Variants in DNAH3 observed in about 807,000 individuals in gnomAD.
The protein encoded by DNAH3 is dynein axonemal heavy chain 3.
DNAH3 carries 332 observed loss-of-function variants against 432.5 expected under a neutral mutation model. The observed-to-expected ratio is 0.77, with a 90% confidence interval of 0.70 to 0.84. The LOEUF (loss-of-function observed/expected upper bound fraction) is 0.84, where lower values mean the gene tolerates loss of function less well. DNAH3 is among the 40% of genes least tolerant of loss of function. The pLI, the probability that DNAH3 is intolerant of heterozygous loss-of-function variation, is 0.00. For missense variants in DNAH3, 4,861 were observed against 5,114.0 expected (o/e 0.95, Z 1.51); for synonymous variants, 1,956 against 1,900.2 (o/e 1.03, Z -0.76).
chr16:20,980,244 T>TAATA lies in DNAH3; in HGVS notation c.7860-702_7860-699dup, dbSNP rs1491066037. ...ATATTATTTATTTATATTATATATA[T>TAATA]AATATACATCATATATTATATTATA... On this transcript the variant is annotated intron_variant, in intron 49 of 61. Transcript: ENST00000261383. Among the ~76,000 whole-genome samples the TAATA allele has an allele frequency of 1.2e-4, 16 of 134,244 alleles. No individual in the cohort carries two copies. In the South Asian group the frequency reaches 3.8e-3, roughly 32 times the overall value. 88.1% of individuals were successfully genotyped at this position (134,244 alleles called of 152,430 possible).
At chr16:21,025,046 T>A (rs2088471088) in intron 38 of DNAH3, among the ~76,000 whole-genome samples, 2 of 152,094 alleles carry the variant, frequency 1.3e-5, no homozygotes, top group South Asian at 2.1e-4. Flanking sequence ...TTTCTCAGCC[T>A]CCCGAGTAGC....
intron 47 of DNAH3, among the ~76,000 whole-genome samples, chr16:20,986,198 T>C (rs957650665): frequency 3.3e-5 from 5 of 151,666 alleles, no homozygotes; most frequent in Non-Finnish European, 7.4e-5. Context: ...ATTTCATGCT[T>C]GTAAAGACTA....
chr16:21,151,947 G>A (rs1464288095), intron 1 of DNAH3, among the ~76,000 whole-genome samples: 3 of 151,984 alleles, frequency 2.0e-5, no homozygotes, highest in Non-Finnish European at 4.4e-5. Flanking sequence ...AAAACTGAGA[G>A]ATATGGGCCA....
rs534881381 is a variant in DNAH3 at position 21,147,135 on chromosome 16, C to T, written c.118-1047G>A. Among the ~76,000 whole-genome samples, 10 of 152,188 alleles carry T rather than the reference C, an allele frequency of 6.6e-5. 1 individual carries two copies. The South Asian group carries it at 1.7e-3, about 25-fold the overall frequency. On this transcript the variant is annotated intron_variant, in intron 1 of 61. Transcript: ENST00000261383. Reference sequence around the variant, plus strand: ...TGAGCAAATTTGAATATTTTTCCCCCGTGGAAGAGCCCAAATTCTGAGGAC... The same window carrying T: ...TGAGCAAATTTGAATATTTTTCCCCTGTGGAAGAGCCCAAATTCTGAGGAC...
At chr16:20,970,045 G>A in intron 51 of DNAH3, 55 bp from the exon 52 acceptor site, 2 of 1,538,230 alleles carry the variant, frequency 1.3e-6, no homozygotes, top group East Asian at 2.2e-5. Context: ...GCACAATGGG[G>A]GCGAAGCAGA....
At chr16:21,037,669 T>C (rs2089238251) in intron 34 of DNAH3, 92 bp downstream of exon 34, 12 of 1,076,310 alleles carry the variant, frequency 1.1e-5, no homozygotes, top group South Asian at 1.5e-5. Flanking sequence ...GAATGGAAGA[T>C]GGAAGAGGGT....
At chr16:21,156,103 A>G (rs1028840753) in intron 1 of DNAH3, among the ~76,000 whole-genome samples, 2 of 152,084 alleles carry the variant, frequency 1.3e-5, no homozygotes, top group Admixed American at 6.5e-5. Context: ...CAGGCTGCCA[A>G]CTTCTCATTG....
intron 1 of DNAH3, among the ~76,000 whole-genome samples, chr16:21,153,552 A>G (rs1022773915): frequency 1.3e-5 from 2 of 152,214 alleles, no homozygotes; most frequent in East Asian, 3.8e-4. Context: ...AGCAGTGGCA[A>G]GCCGCTTGAT....
At chr16:21,000,299 T>G (rs1299150498) in exon 43 of DNAH3, 2 of 1,614,168 alleles carry the variant, frequency 1.2e-6, no homozygotes, top group Admixed American at 1.7e-5. Context: ...TTGGACATGA[T>G]GATATCCTGG....
At chr16:20,980,305 ATAT>A (rs1328877401) in intron 49 of DNAH3, among the ~76,000 whole-genome samples, 4 of 142,336 alleles carry the variant, frequency 2.8e-5, no homozygotes, top group Non-Finnish European at 4.5e-5. Flanking sequence ...ATCATATATT[ATAT>A]TATATATTAT....
chr16:20,961,140 T>C (rs866051174), intron 53 of DNAH3, among the ~76,000 whole-genome samples: 2 of 152,202 alleles, frequency 1.3e-5, no homozygotes, highest in Non-Finnish European at 2.9e-5. Flanking sequence ...AGGGTTAATA[T>C]TCTAAGGATT....
Position 21,033,852 on chromosome 16 carries a change from T to G in DNAH3, c.5197+122A>C, listed in dbSNP as rs2089020124. 6 of 629,104 alleles carry G rather than the reference T, an allele frequency of 9.5e-6. No homozygotes were observed. The Admixed American group carries it at 1.7e-4, about 18-fold the overall frequency. The allele number at this position is 629,104 out of a possible 1,614,324, so 39.0% of individuals were successfully genotyped here. On this transcript the variant is annotated intron_variant, in intron 36 of 61. Coordinates refer to ENST00000261383, the Ensembl canonical transcript of DNAH3. ...GCAGACATCTGTGTGCCATGTTCTA[T>G]TTCTAGCTCTGACGTCACGATCGAG...
At position 21,075,442 on chromosome 16, in the gene DNAH3, C is replaced by T. The variant is rs2090940161; in HGVS notation, c.3084+5G>A. ...AAAAGGGGCTGCGGTTGCAGTGAGA[C>T]TCACAGTGTCCCTGTATTTCACGAA... On this transcript the variant is annotated splice_donor_5th_base_variant and intron_variant, in intron 21 of 61. Coordinates refer to ENST00000261383, the Ensembl canonical transcript of DNAH3. The T allele has an allele frequency of 6.2e-7, 1 of 1,604,524 alleles. No homozygotes were observed. Among genetic ancestry groups the T allele is most frequent in the Non-Finnish European group, 8.5e-7 (1 of 1,171,216 alleles).
At position 21,062,468 on chromosome 16, in the gene DNAH3, G is replaced by A. The variant is rs955478525; in HGVS notation, c.3720+14C>T. The A allele has an allele frequency of 3.1e-6, 5 of 1,612,636 alleles. No homozygotes were observed. In the African/African-American group the frequency reaches 5.3e-5, roughly 17 times the overall value. ...TTATGGAGAAAAGAACCAAAAATGG[G>A]TAAGAGGAGTTACCTTGGCATTAGC... On this transcript the variant is annotated intron_variant, in intron 25 of 61. Coordinates refer to ENST00000261383, the Ensembl canonical transcript of DNAH3.
At chr16:21,119,117 C>T (rs973144229) in intron 11 of DNAH3, among the ~76,000 whole-genome samples, 11 of 152,064 alleles carry the variant, frequency 7.2e-5, no homozygotes, top group African/African-American at 1.9e-4. Context: ...CCAAAGGCAA[C>T]GAGATGGAGG....
Position 21,125,380 on chromosome 16 carries a change from C to A in DNAH3, c.1209-10G>T, listed in dbSNP as rs2152815979. The A allele has an allele frequency of 6.3e-7, 1 of 1,576,516 alleles. No individual in the cohort carries two copies. The highest frequency in any genetic ancestry group is 1.2e-5 in the South Asian group (1 of 85,260). On this transcript the variant is annotated splice_polypyrimidine_tract_variant and intron_variant, in intron 8 of 61. Transcript: ENST00000261383. ...GCAGGTGGGGATCCACCTGTAAAGA[C>A]AGAAGGGTGTCCATGTGAGAAGCTC...
chr16:20,969,743 T>G, intron 52 of DNAH3, 49 bp downstream of exon 52: 1 of 1,604,570 alleles, frequency 6.2e-7, no homozygotes, highest in Non-Finnish European at 8.5e-7. Context: ...GGCACCCCAC[T>G]GCCAGGAAAG....
Position 21,136,518 on chromosome 16 carries a change from C to T in DNAH3, c.697-5G>A. 1.9e-6 allele frequency: 3 copies of T among 1,613,742 alleles called. No individual in the cohort carries two copies. The highest frequency in any genetic ancestry group is 1.3e-5 in the African/African-American group (1 of 75,018). Reference sequence around the variant, plus strand: ...GGTCAGATAGTAATAGTATCTCTTCCATAAACAAACCACCAGCGAGAAAAT... The same window carrying T: ...GGTCAGATAGTAATAGTATCTCTTCTATAAACAAACCACCAGCGAGAAAAT... On this transcript the variant is annotated splice_polypyrimidine_tract_variant and splice_region_variant and intron_variant, in intron 5 of 61. Transcript: ENST00000261383.
At chr16:21,099,018 C>G (rs1384599746) in intron 16 of DNAH3, among the ~76,000 whole-genome samples, 1 of 152,174 alleles carries the variant, frequency 6.6e-6, no homozygotes, top group Non-Finnish European at 1.5e-5. Flanking sequence ...GGTGGTTAAA[C>G]ATTTCCAGAT....
Sources: gnomAD v4.1 joint callset for allele counts (sites outside exome capture counted in the v4.1 genomes callset) on GRCh38, gnomAD v4.1.1 for gene constraint, MANE v1.5 for transcripts, NCBI Gene and HGNC (gene_info 2026-07-23, HGNC 2026-07-21) for gene names.